ZNF142: variants seen among roughly 807,000 people sequenced by gnomAD.
ZNF142 encodes the protein zinc finger protein 142, also known as zinc finger protein 142 (clone pHZ-49).
A neutral mutation model predicts 132.1 loss-of-function variants in ZNF142; 96 were observed. The observed-to-expected ratio is 0.73, with a 90% CI of 0.62 to 0.86. The LOEUF (loss-of-function observed/expected upper bound fraction) is 0.86. ZNF142 is among the 40% of genes least tolerant of loss of function. The pLI is 0.00. For missense variants in ZNF142, 2,163 were observed against 2,336.2 expected, an observed-to-expected ratio of 0.93 and a Z score of 1.53; for synonymous variants, 842 against 890.1, an observed-to-expected ratio of 0.95 and a Z score of 0.96.
At chr2:218,640,276 G>A (rs1697079103) in intron 10 of ZNF142, among the ~76,000 whole-genome samples, 1 of 152,128 alleles carries the variant, frequency 6.6e-6, no homozygotes, top group South Asian at 2.1e-4. Flanking sequence ...GAAAAGGACA[G>A]ACTAGAACAG....
Position 218,634,262 on chromosome 2 carries a change from C to T in ZNF142, c.*4077G>A. ...GGACTGGGAAGAGGGAGTGGAGGAG[C>T]AGCAGGTGGGAAATAAGTTCTCTAG... On this transcript the variant is annotated 3_prime_UTR_variant, in exon 11 of 11. Coordinates refer to ENST00000411696, the MANE Select transcript of ZNF142 (RefSeq NM_001379659.1). This position sits in a 1 kb window ranked among gnomAD's most constrained non-coding sequence, Gnocchi z 4.0. 3.2e-6 allele frequency: 5 copies of T among 1,585,440 alleles called. No individual in the cohort carries two copies. The highest frequency in any genetic ancestry group is 4.3e-6 in the Non-Finnish European group (5 of 1,165,742).
intron 10 of ZNF142, among the ~76,000 whole-genome samples, chr2:218,639,663 T>A (rs1696999592): frequency 1.3e-5 from 2 of 148,752 alleles, no homozygotes; most frequent in African/African-American, 5.0e-5. Flanking sequence ...ACCCAGGAGT[T>A]TGAGATTGTA....
In ZNF142 at chr2:218,656,290, C is replaced by T. The variant is rs569801884; in HGVS notation, c.140G>A (p.Arg47Gln). 8.7e-6 allele frequency: 14 copies of T among 1,612,744 alleles called. No individual in the cohort carries two copies. The highest frequency in any genetic ancestry group is 1.7e-5 in the Admixed American group (1 of 59,874). Residue 47 changes from arginine (R) to glutamine (Q), a missense_variant, in exon 4 of 11, where the codon CGG becomes CAG. This residue lies in a region of ZNF142 where 195 missense variants were observed against 172.4 expected (regional missense o/e 1.13). Transcript: ENST00000411696. ...LGPVQSPCPS[R>Q]DPAPIPTEPG... Reference sequence around the variant, plus strand: ...CTCAGTAGGTATAGGTGCAGGGTCCCGGGAAGGACAGGGGCTCTGGACAGG... The same window carrying T: ...CTCAGTAGGTATAGGTGCAGGGTCCTGGGAAGGACAGGGGCTCTGGACAGG...
At chr2:218,640,882 G>A in intron 9 of ZNF142, 113 bp from the exon 10 acceptor site, 3 of 767,838 alleles carry the variant, frequency 3.9e-6, no homozygotes, top group Admixed American at 5.0e-5. Context: ...ATGGCAAGCA[G>A]ACATTATGGA....
Position 218,635,835 on chromosome 2 carries a change from A to G in ZNF142, c.*2504T>C. ...GCAACTCCCCAAAGTGGACAAGACC[A>G]AAGAGGGGTCCATTGTGGATCCACT... On this transcript the variant is annotated 3_prime_UTR_variant, in exon 11 of 11. Transcript: ENST00000411696. The G allele has an allele frequency of 1.2e-6, 2 of 1,613,886 alleles. No homozygotes were observed. The highest frequency in any genetic ancestry group is 1.7e-6 in the Non-Finnish European group (2 of 1,179,850).
chr2:218,656,161 C>T lies in ZNF142; in HGVS notation c.269G>A (p.Gly90Glu), dbSNP rs1245975296. ...AACTGTGTTTGTACCTGGGGTCTCT[C>T]CAGGAGCACCTGGGGTCAGGGTTCC... The part of the protein sequence containing the change: ...VAGTLTPGAP[G>E]ETPGVLVKVV... Residue 90 changes from glycine to glutamate, a missense_variant, in exon 4 of 11, where the codon GGA becomes GAA. This residue lies in a region of ZNF142 where 195 missense variants were observed against 172.4 expected (regional missense o/e 1.13). Coordinates refer to ENST00000411696, the MANE Select transcript of ZNF142 (RefSeq NM_001379659.1). The T allele has an allele frequency of 1.9e-6, 3 of 1,592,892 alleles. No homozygotes were observed. The highest frequency in any genetic ancestry group is 2.6e-6 in the Non-Finnish European group (3 of 1,166,960).
rs200524883 is a variant in ZNF142, at chr2:218,658,385, C to CA, written c.-35+315dup. Among the ~76,000 whole-genome samples, 1,056 of 152,080 alleles carry CA rather than the reference C, an allele frequency of 6.9e-3. 16 individuals are homozygous for CA. Among genetic ancestry groups the CA allele is most frequent in the African/African-American group, 0.023 (974 of 41,482 alleles). ...TGAAACCCTGTTTCTACTAAAAATA[C>CA]AAAAAATCAGCAGGGTGTGGTGGCA... On this transcript the variant is annotated intron_variant, in intron 3 of 10. Transcript: ENST00000411696.
chr2:218,656,531 G>A, intron 3 of ZNF142, 68 bp from the exon 4 acceptor site: 1 of 1,241,824 alleles, frequency 8.1e-7, no homozygotes, highest in African/African-American at 1.5e-5. Flanking sequence ...GCTGGCGTGG[G>A]TACACAGCCC....
rs1039441434 is a variant in ZNF142 at position 218,642,278 on chromosome 2, G to A, written c.4838C>T (p.Ser1613Leu). The change falls in exon 9 of 11, where the codon TCA (serine) becomes TTA (leucine). Residue 1613 changes from serine (S) to leucine (L), a missense_variant. Ser to Leu is a moderately radical substitution (Grantham distance 145). Around this residue, in one of 7 missense-constraint regions of ZNF142, gnomAD observed 17 missense variants for 35.9 expected, o/e 0.47. Transcript: ENST00000411696. This position sits in a 1 kb window ranked among gnomAD's most constrained non-coding sequence, Gnocchi z 4.6. ...CTGGCCAGCATCCCCATCCCCATCTGAGGCTGCCACGGCTGCTGAAGTCTC... is the reference window on the plus strand; with the variant it reads ...CTGGCCAGCATCCCCATCCCCATCTAAGGCTGCCACGGCTGCTGAAGTCTC... ...HEETSAAVAASDGDGDAGQPP... is the reference protein window; with the variant it reads ...HEETSAAVAALDGDGDAGQPP... 1.2e-6 allele frequency: 2 copies of A among 1,614,150 alleles called. No individual in the cohort carries two copies. Among genetic ancestry groups the A allele is most frequent in the Admixed American group, 1.7e-5 (1 of 60,020 alleles).
rs758093986 is a variant in ZNF142, at chr2:218,638,421, G to C, written c.5582C>G (p.Pro1861Arg). 6.4e-7 allele frequency: 1 copy of C among 1,558,578 alleles called. No homozygotes were observed. Among genetic ancestry groups the C allele is most frequent in the Non-Finnish European group, 8.7e-7 (1 of 1,146,918 alleles). The change falls in exon 11 of 11, where the codon CCC becomes CGC. Residue 1861 changes from proline (P) to arginine (R), a missense_variant. Pro to Arg is a moderately radical substitution (Grantham distance 103). Around this residue, in one of 7 missense-constraint regions of ZNF142, gnomAD observed 325 missense variants for 367.8 expected, o/e 0.88. Coordinates refer to ENST00000411696, the MANE Select transcript of ZNF142 (RefSeq NM_001379659.1). ...NQGVGKDPTT[P>R]TVHLHDVQLE... is the part of the protein sequence containing the mutation. ...CTGCACATCATGCAGGTGCACTGTG[G>C]GGGTGGTGGGGTCTTTGCCCACACC...
Position 218,648,930 on chromosome 2 carries a change from G to A in ZNF142, c.1578C>T (p.Leu526=), listed in dbSNP as rs1937701483. ...CCTCCATGGCTTCGGCTGTGGCAAAGAGCATGGGACATGAGTGATGGCGGC... is the reference window on the plus strand; with the variant it reads ...CCTCCATGGCTTCGGCTGTGGCAAAAAGCATGGGACATGAGTGATGGCGGC... ...VECRHHSCPM[L]FATAEAMEAH... is the part of the protein sequence containing the mutation. The change falls in exon 7 of 11, where the codon CTC becomes CTT. Residue 526 remains leucine (L), a synonymous_variant. Coordinates refer to ENST00000411696, the MANE Select transcript of ZNF142 (RefSeq NM_001379659.1). 6.2e-7 allele frequency: 1 copy of A among 1,613,644 alleles called. No individual in the cohort carries two copies. The highest frequency in any genetic ancestry group is 8.5e-7 in the Non-Finnish European group (1 of 1,180,046).
At position 218,652,167 on chromosome 2, in the gene ZNF142, T is replaced by C; in HGVS notation, c.414A>G (p.Pro138=). The change falls in exon 5 of 11, where the codon CCA becomes CCG. Residue 138 remains proline, a synonymous_variant. Coordinates refer to ENST00000411696, the MANE Select transcript of ZNF142 (RefSeq NM_001379659.1). ...TGCTGGGAGGCAGCTCTACAGAGCA[T>C]GGGGGGCTAGAGAGGCCCTGCACAG... ...IQPVQGLSSP[P]CSVELPPSNP... is the part of the protein sequence containing the mutation. The C allele has an allele frequency of 2.2e-6, 1 of 454,480 alleles. No individual in the cohort carries two copies. Among genetic ancestry groups the C allele is most frequent in the Non-Finnish European group, 4.4e-6 (1 of 225,640 alleles). 28.2% of individuals were successfully genotyped at this position (454,480 alleles called of 1,614,324 possible). A position where few individuals can be genotyped will look rare whatever the true frequency, so the allele number is the denominator to read the frequency against.
Position 218,648,595 on chromosome 2 carries a change from CATT to C in ZNF142, c.1873+37_1873+39del, listed in dbSNP as rs759463250. On this transcript the variant is annotated intron_variant, in intron 7 of 10. Transcript: ENST00000411696. ...CCTTTGTAGCCAGTATCACCACCAT[CATT>C]ATTACAACATTATTTTAAGGATGGA... 11 of 1,579,160 alleles carry C rather than the reference CATT, an allele frequency of 7.0e-6. No individual in the cohort carries two copies. The Admixed American group carries it at 1.0e-4, about 15-fold the overall frequency.
chr2:218,636,191 G>C lies in ZNF142; in HGVS notation c.*2148C>G. On this transcript the variant is annotated 3_prime_UTR_variant, in exon 11 of 11. Transcript: ENST00000411696. ...ATGAGAACACAAGAAAAGCAACCCAGTCAAGAAAACTGTCATAATGTCTTC... is the reference window on the plus strand; with the variant it reads ...ATGAGAACACAAGAAAAGCAACCCACTCAAGAAAACTGTCATAATGTCTTC... 6.4e-7 allele frequency: 1 copy of C among 1,573,010 alleles called. No homozygotes were observed. The highest frequency in any genetic ancestry group is 8.7e-7 in the Non-Finnish European group (1 of 1,144,252).
chr2:218,641,796 C>G (rs1559287045), intron 9 of ZNF142, among the ~76,000 whole-genome samples: 1 of 152,150 alleles, frequency 6.6e-6, no homozygotes, highest in Non-Finnish European at 1.5e-5. Flanking sequence ...CTTGGTATCT[C>G]AAAGTGTTAA....
Position 218,635,847 on chromosome 2 carries a change from A to C in ZNF142, c.*2492T>G. On this transcript the variant is annotated 3_prime_UTR_variant, in exon 11 of 11. Coordinates refer to ENST00000411696, the MANE Select transcript of ZNF142 (RefSeq NM_001379659.1). ...AGTGGACAAGACCAAAGAGGGGTCC[A>C]TTGTGGATCCACTGGTGAAAGTGCA... The C allele has an allele frequency of 6.2e-7, 1 of 1,613,966 alleles. No homozygotes were observed. Among genetic ancestry groups the C allele is most frequent in the African/African-American group, 1.3e-5 (1 of 75,042 alleles).
In ZNF142 at chr2:218,636,401, G is replaced by A. The variant is rs2106176134; in HGVS notation, c.*1938C>T. ...GACCTGCATGCAACAAGGTGAGCCA[G>A]CCCCTTTGGCCCCTGGCCAATACCC... is the stretch of plus-strand genomic sequence containing the variant. On this transcript the variant is annotated 3_prime_UTR_variant, in exon 11 of 11. Coordinates refer to ENST00000411696, the MANE Select transcript of ZNF142 (RefSeq NM_001379659.1). 1 of 1,614,010 alleles carries A rather than the reference G, an allele frequency of 6.2e-7. No individual in the cohort carries two copies. Among genetic ancestry groups the A allele is most frequent in the East Asian group, 2.2e-5 (1 of 44,880 alleles).
intron 3 of ZNF142, among the ~76,000 whole-genome samples, chr2:218,657,911 C>T (rs1348031168): frequency 2.0e-5 from 3 of 152,176 alleles, no homozygotes; most frequent in Non-Finnish European, 2.9e-5. Flanking sequence ...GTGATACTGA[C>T]ATTATCACTT....
intron 4 of ZNF142, among the ~76,000 whole-genome samples, chr2:218,653,013 G>T (rs1022948167): frequency 6.6e-6 from 1 of 152,190 alleles, no homozygotes; most frequent in Middle Eastern, 3.4e-3. Context: ...AGGTGCAGTG[G>T]CTCACGCCTG....
Sources: allele counts gnomAD v4.1 joint callset (sites outside exome capture counted in the v4.1 genomes callset), GRCh38; gene constraint gnomAD v4.1.1; regional missense constraint gnomAD v4.1.1; non-coding constraint Gnocchi (gnomAD v3.1); transcripts MANE v1.5; gene names NCBI Gene and HGNC (gene_info 2026-07-23, HGNC 2026-07-21).